The following IGSF21 variants were observed in gnomAD, a reference collection of about 807,000 sequenced individuals.
The protein encoded by IGSF21 is immunoglobulin superfamily member 21.
In IGSF21, 28 loss-of-function variants were observed where a neutral mutation model predicts 46.8. That is an observed-to-expected ratio of 0.60 (90% confidence interval 0.44 to 0.82). The LOEUF (loss-of-function observed/expected upper bound fraction) is 0.82, where lower values mean the gene tolerates loss of function less well. IGSF21 is among the 40% of genes least tolerant of loss of function. The pLI, the probability that IGSF21 is intolerant of heterozygous loss-of-function variation, is 0.00. For missense variants in IGSF21, 624 were observed against 665.5 expected (o/e 0.94, Z 0.69); for synonymous variants, 284 against 273.6 (o/e 1.04, Z -0.38).
intron 1 of IGSF21, among the ~76,000 whole-genome samples, chr1:18,126,883 C>T (rs2086278656): frequency 6.6e-6 from 1 of 152,046 alleles, no homozygotes; most frequent in Admixed American, 6.6e-5. Context: ...GTGTCAGGTG[C>T]TGATGAGATG....
chr1:18,362,269 C>A, intron 5 of IGSF21, 39 bp downstream of exon 5: 1 of 1,432,706 alleles, frequency 7.0e-7, no homozygotes, highest in Non-Finnish European at 9.7e-7. Flanking sequence ...TCCTATCTGC[C>A]GGACCACCCT....
intron 6 of IGSF21, among the ~76,000 whole-genome samples, chr1:18,372,085 A>T (rs1190813648): frequency 6.6e-6 from 1 of 152,244 alleles, no homozygotes; most frequent in East Asian, 1.9e-4. Context: ...AACTCTGCGC[A>T]TTCCCATCAC....
chr1:18,219,615 G>A (rs1404230240), intron 1 of IGSF21, among the ~76,000 whole-genome samples: 5 of 152,158 alleles, frequency 3.3e-5, no homozygotes, highest in African/African-American at 1.2e-4. Flanking sequence ...CTGCTTTGAT[G>A]TGAGCATGAG....
rs1200233658 is a variant in IGSF21, at chr1:18,109,914, CAG to C, written c.70+1722_70+1723del. On this transcript the variant is annotated intron_variant, in intron 1 of 9. Transcript: ENST00000251296. This position sits in a 1 kb window ranked among gnomAD's most constrained non-coding sequence, Gnocchi z 4.8. ...CCCCTTTCCCTGGGAATGCGCAGAA[CAG>C]AGAGACGCGGCAGGGTGAAGGAGAG... The C allele has an allele frequency of 1.3e-5, 2 of 152,190 alleles. No individual in the cohort carries two copies. Among genetic ancestry groups the C allele is most frequent in the East Asian group, 3.9e-4 (2 of 5,160 alleles). 9.4% of individuals were successfully genotyped at this position (152,190 alleles called of 1,614,324 possible).
intron 1 of IGSF21, among the ~76,000 whole-genome samples, chr1:18,138,353 C>A (rs1570258493): frequency 6.6e-6 from 1 of 152,142 alleles, no homozygotes; most frequent in Non-Finnish European, 1.5e-5. Context: ...AAGCAGGGAC[C>A]AGTGGGGTGT....
intron 1 of IGSF21, among the ~76,000 whole-genome samples, chr1:18,161,750 C>T (rs947679669): frequency 1.2e-4 from 19 of 152,090 alleles, no homozygotes; most frequent in African/African-American, 4.3e-4. Context: ...TCTCGCGTGG[C>T]GGTGGGAGGA....
At chr1:18,196,653 C>A (rs1317599539) in intron 1 of IGSF21, among the ~76,000 whole-genome samples, 1 of 152,192 alleles carries the variant, frequency 6.6e-6, no homozygotes, top group African/African-American at 2.4e-5. Flanking sequence ...ATCAGAGCCA[C>A]ATAATGGCCC....
chr1:18,154,529 C>G (rs974342454), intron 1 of IGSF21, among the ~76,000 whole-genome samples: 1 of 151,912 alleles, frequency 6.6e-6, no homozygotes, highest in Non-Finnish European at 1.5e-5. Flanking sequence ...GAGAAGCTCA[C>G]ATGTCCCCAG....
chr1:18,253,256 G>A (rs74537144), intron 2 of IGSF21, among the ~76,000 whole-genome samples: 5 of 152,284 alleles, frequency 3.3e-5, no homozygotes, highest in African/African-American at 9.6e-5. Flanking sequence ...AGAGGGCCAG[G>A]GGGGGCCTCA....
At chr1:18,288,500 G>C (rs1053524780) in intron 2 of IGSF21, among the ~76,000 whole-genome samples, 1 of 152,192 alleles carries the variant, frequency 6.6e-6, no homozygotes, top group African/African-American at 2.4e-5. Context: ...CGGCCGTGAG[G>C]CTGCAACTGC....
At chr1:18,248,931 G>T (rs2084810323) in intron 2 of IGSF21, among the ~76,000 whole-genome samples, 2 of 152,142 alleles carry the variant, frequency 1.3e-5, no homozygotes, top group South Asian at 4.1e-4. Context: ...AGTGGTCAAG[G>T]TTGGCTTCGC....
intron 1 of IGSF21, among the ~76,000 whole-genome samples, chr1:18,117,081 A>G (rs1235375392): frequency 6.6e-6 from 1 of 152,202 alleles, no homozygotes; most frequent in African/African-American, 2.4e-5. Context: ...GCATTCCCAG[A>G]GCAGGGCTCT....
chr1:18,181,274 G>A (rs1297975971), intron 1 of IGSF21, among the ~76,000 whole-genome samples: 9 of 152,150 alleles, frequency 5.9e-5, no homozygotes, highest in Admixed American at 5.9e-4. Flanking sequence ...TAGCTCTGCC[G>A]AACTCCAAAT....
chr1:18,365,837 T>C lies in IGSF21; in HGVS notation c.1015+140T>C, dbSNP rs984636405. 1.4e-6 allele frequency: 1 copy of C among 705,272 alleles called. No homozygotes were observed. Among genetic ancestry groups the C allele is most frequent in the East Asian group, 2.7e-5 (1 of 36,508 alleles). 43.7% of individuals were successfully genotyped at this position (705,272 alleles called of 1,614,324 possible). On this transcript the variant is annotated intron_variant, in intron 6 of 9. Transcript: ENST00000251296. This position sits in a 1 kb window ranked among gnomAD's most constrained non-coding sequence, Gnocchi z 4.8. ...AAACTGGAGTCAGGATGAGCACAAA[T>C]GGTAGAGTCAGGTTCTTAGGGAGGT...
At chr1:18,218,706 C>A (rs2084477893) in intron 1 of IGSF21, among the ~76,000 whole-genome samples, 1 of 152,104 alleles carries the variant, frequency 6.6e-6, no homozygotes, top group African/African-American at 2.4e-5. Context: ...ACACAAAAAA[C>A]CCATGAAAAT....
Position 18,108,208 on chromosome 1 carries a change from C to T in IGSF21, c.70+10C>T. 7.2e-7 allele frequency: 1 copy of T among 1,385,704 alleles called. No homozygotes were observed. The allele number at this position is 1,385,704 out of a possible 1,614,324, so 85.8% of individuals were successfully genotyped here. On this transcript the variant is annotated intron_variant, in intron 1 of 9. Transcript: ENST00000251296. Reference sequence around the variant, plus strand: ...CTGGACCTGGCGCGCGGTGAGTGCGCGGGCGCCTGGCGGGAGCCGAGCGGT... The same window carrying T: ...CTGGACCTGGCGCGCGGTGAGTGCGTGGGCGCCTGGCGGGAGCCGAGCGGT...
intron 2 of IGSF21, among the ~76,000 whole-genome samples, chr1:18,284,823 G>T (rs948810658): frequency 1.3e-5 from 2 of 152,220 alleles, no homozygotes; most frequent in African/African-American, 4.8e-5. Context: ...TGGAAGCTGT[G>T]CTGGGCTGAC....
chr1:18,332,537 A>T (rs960450810), intron 3 of IGSF21, among the ~76,000 whole-genome samples: 10 of 150,724 alleles, frequency 6.6e-5, no homozygotes, highest in African/African-American at 1.5e-4. Flanking sequence ...ACTCCAGGTG[A>T]CTGTCACTCA....
At chr1:18,347,806 G>A (rs577425538) in intron 4 of IGSF21, among the ~76,000 whole-genome samples, 11 of 152,218 alleles carry the variant, frequency 7.2e-5, no homozygotes, top group African/African-American at 1.2e-4. Flanking sequence ...AAGGGAACTC[G>A]GAGCCTAGAG....
Sources: allele counts gnomAD v4.1 joint callset (sites outside exome capture counted in the v4.1 genomes callset), GRCh38; gene constraint gnomAD v4.1.1; non-coding constraint Gnocchi (gnomAD v3.1); transcripts MANE v1.5; gene names NCBI Gene and HGNC (gene_info 2026-07-23, HGNC 2026-07-21).